The following CCDC175 variants were observed in gnomAD, a reference collection of about 807,000 sequenced individuals.
The protein encoded by CCDC175 is coiled-coil domain-containing protein 175.
CCDC175 carries 100 observed loss-of-function variants against 114.6 expected under a neutral mutation model. That is an observed-to-expected ratio of 0.87 (90% CI 0.74 to 1.03). The LOEUF (loss-of-function observed/expected upper bound fraction) is 1.03, where lower values mean the gene tolerates loss of function less well. Ranked by LOEUF, CCDC175 falls within the 50% of genes least tolerant of loss-of-function variation. The probability of loss-of-function intolerance (pLI) is 0.00; values close to 1 mark genes in which losing one functional copy is unlikely to be tolerated. For synonymous variants in CCDC175, 306 were observed against 308.7 expected (o/e 0.99, Z 0.09); for missense variants, 880 against 917.8 (o/e 0.96, Z 0.53).
intron 4 of CCDC175, among the ~76,000 whole-genome samples, chr14:59,567,382 C>G (rs1300745500): frequency 2.0e-5 from 3 of 152,150 alleles, no homozygotes; most frequent in African/African-American, 7.2e-5. Context: ...AGGTCTCTAG[C>G]TGATTTCTGA....
intron 8 of CCDC175, among the ~76,000 whole-genome samples, chr14:59,546,591 A>G (rs1022056128): frequency 2.0e-5 from 3 of 152,180 alleles, no homozygotes; most frequent in Non-Finnish European, 4.4e-5. Context: ...AACATAGAAG[A>G]AACCACTTGA....
chr14:59,529,572 G>C (rs769209163), intron 14 of CCDC175, among the ~76,000 whole-genome samples: 1 of 152,100 alleles, frequency 6.6e-6, no homozygotes, highest in Admixed American at 6.6e-5. Context: ...CTTTTTGGCA[G>C]GCTTTTGGTG....
intron 7 of CCDC175, among the ~76,000 whole-genome samples, chr14:59,556,785 A>G (rs1175468650): frequency 2.6e-5 from 4 of 152,118 alleles, no homozygotes; most frequent in African/African-American, 7.2e-5. Flanking sequence ...AACAAACAAC[A>G]CCATCAAAAA....
At chr14:59,515,800 C>A (rs1893043201) in intron 17 of CCDC175, among the ~76,000 whole-genome samples, 1 of 152,200 alleles carries the variant, frequency 6.6e-6, no homozygotes, top group Non-Finnish European at 1.5e-5. Context: ...TTGAACTCAG[C>A]TCTGCACCAA....
At chr14:59,569,129 G>C (rs1229355583) in intron 3 of CCDC175, among the ~76,000 whole-genome samples, 1 of 152,192 alleles carries the variant, frequency 6.6e-6, no homozygotes, top group African/African-American at 2.4e-5. Context: ...CAATATGCAT[G>C]AATTTTTGAA....
At chr14:59,508,669 G>A (rs910005623) in intron 19 of CCDC175, among the ~76,000 whole-genome samples, 1 of 151,748 alleles carries the variant, frequency 6.6e-6, no homozygotes, top group Non-Finnish European at 1.5e-5. Context: ...AATCTCCAGT[G>A]TGTATTAGGT....
intron 11 of CCDC175, among the ~76,000 whole-genome samples, chr14:59,539,801 C>G (rs1174693142): frequency 6.6e-6 from 1 of 152,064 alleles, no homozygotes; most frequent in Non-Finnish European, 1.5e-5. Flanking sequence ...GTAATCCCAG[C>G]TATCAGGAGA....
At chr14:59,530,609 G>C (rs1894012743) in intron 14 of CCDC175, among the ~76,000 whole-genome samples, 1 of 152,142 alleles carries the variant, frequency 6.6e-6, no homozygotes, top group Admixed American at 6.5e-5. Context: ...AAAATCATCT[G>C]AGGAGTGGGT....
intron 17 of CCDC175, among the ~76,000 whole-genome samples, chr14:59,513,238 A>C (rs1170141828): frequency 6.6e-6 from 1 of 152,226 alleles, no homozygotes; most frequent in Non-Finnish European, 1.5e-5. Context: ...TCCCAACGTC[A>C]GCGACGCAGA....
At chr14:59,513,883 G>C (rs1180664350) in intron 17 of CCDC175, among the ~76,000 whole-genome samples, 1 of 152,186 alleles carries the variant, frequency 6.6e-6, no homozygotes, top group Non-Finnish European at 1.5e-5. Flanking sequence ...GCACGTCCTT[G>C]ACCCCCGAGT....
rs377656645 is a variant in CCDC175 at position 59,546,982 on chromosome 14, G to C, written c.1036-1683C>G. 3.9e-5 allele frequency among the ~76,000 whole-genome samples: 6 copies of C among 152,292 alleles called. No homozygotes were observed. In the East Asian group the frequency reaches 7.7e-4, roughly 20 times the overall value. On this transcript the variant is annotated intron_variant, in intron 8 of 19. Transcript: ENST00000537690. ...AGGCCAGGTGTGGTGGCTCGTGCCT[G>C]TAATCCTAGCACTTTGAGAGGCGGA...
At chr14:59,569,757 G>A (rs554088097) in intron 3 of CCDC175, among the ~76,000 whole-genome samples, 1 of 152,212 alleles carries the variant, frequency 6.6e-6, no homozygotes, top group South Asian at 2.1e-4. Context: ...GTCCAATTAG[G>A]AGATAGAAAT....
intron 10 of CCDC175, among the ~76,000 whole-genome samples, chr14:59,541,093 C>A (rs1382829754): frequency 6.6e-6 from 1 of 152,032 alleles, no homozygotes; most frequent in East Asian, 1.9e-4. Context: ...TCATCATTTG[C>A]AAATACAGAG....
chr14:59,518,161 A>T (rs1893214821), intron 17 of CCDC175, among the ~76,000 whole-genome samples: 1 of 152,238 alleles, frequency 6.6e-6, no homozygotes, highest in South Asian at 2.1e-4. Context: ...ACCTTATACA[A>T]AAATTAATTC....
intron 3 of CCDC175, among the ~76,000 whole-genome samples, chr14:59,570,414 A>G (rs1004449987): frequency 2.6e-5 from 4 of 152,144 alleles, no homozygotes; most frequent in African/African-American, 9.7e-5. Flanking sequence ...GAGGCAATAA[A>G]TGGCTAACTG....
chr14:59,551,522 T>C (rs1321475642), intron 7 of CCDC175, 86 bp from the exon 8 acceptor site: 8 of 577,928 alleles, frequency 1.4e-5, no homozygotes, highest in Non-Finnish European at 2.9e-6. Context: ...ACAGCTGCAG[T>C]ATACAGCTCC....
At chr14:59,538,355 C>A (rs1238783494) in intron 12 of CCDC175, among the ~76,000 whole-genome samples, 1 of 151,744 alleles carries the variant, frequency 6.6e-6, no homozygotes, top group Non-Finnish European at 1.5e-5. Context: ...ATAAATATGA[C>A]ATGAGGAGTG....
At chr14:59,547,654 T>TTC (rs1895195564) in intron 8 of CCDC175, among the ~76,000 whole-genome samples, 1 of 152,196 alleles carries the variant, frequency 6.6e-6, no homozygotes, top group African/African-American at 2.4e-5. Context: ...TATGGAAAAA[T>TTC]ATGAATCTTG....
chr14:59,535,133 G>T (rs1333411632), intron 13 of CCDC175, among the ~76,000 whole-genome samples: 1 of 152,144 alleles, frequency 6.6e-6, no homozygotes, highest in Non-Finnish European at 1.5e-5. Flanking sequence ...GAGGTTATTG[G>T]TGCTGATTAT....
Sources: allele counts gnomAD v4.1 joint callset (sites outside exome capture counted in the v4.1 genomes callset), GRCh38; gene constraint gnomAD v4.1.1; transcripts MANE v1.5; gene names NCBI Gene and HGNC (gene_info 2026-07-23, HGNC 2026-07-21).